Variants in ANKRD30A observed in about 807,000 individuals in gnomAD.
ANKRD30A encodes ankyrin repeat domain-containing protein 30A.
Under a neutral mutation model 166.3 loss-of-function variants are expected in ANKRD30A, and 170 were observed. The observed-to-expected ratio is 1.02, with a 90% confidence interval of 0.90 to 1.16. ANKRD30A has a LOEUF of 1.16. Ranked by LOEUF, ANKRD30A falls within the 50% of genes most tolerant of loss-of-function variation. The pLI, the probability that ANKRD30A is intolerant of heterozygous loss-of-function variation, is 0.00. For missense variants in ANKRD30A, 1,630 were observed against 1,518.0 expected, an observed-to-expected ratio of 1.07 and a Z score of -1.23; for synonymous variants, 564 against 508.9, an observed-to-expected ratio of 1.11 and a Z score of -1.46.
Position 37,125,736 on chromosome 10 carries a change from C to T in ANKRD30A, c.-52C>T. The T allele has an allele frequency of 1.8e-6, 1 of 557,994 alleles. No individual in the cohort carries two copies. Among genetic ancestry groups the T allele is most frequent in the Non-Finnish European group, 3.2e-6 (1 of 309,256 alleles). 34.6% of individuals were successfully genotyped at this position (557,994 alleles called of 1,614,324 possible). On this transcript the variant is annotated 5_prime_UTR_variant, in exon 1 of 36. Coordinates refer to ENST00000361713, the MANE Select transcript of ANKRD30A (RefSeq NM_052997.3). ...ATTGGGGAGGGGTGGGGGGTGGTGG[C>T]TGGGAAGGGCGATCGGGAGGCGCGG...
the ANKRD30A span, among the ~76,000 whole-genome samples, chr10:37,237,698 G>A: frequency 3.3e-5 from 5 of 152,166 alleles, no homozygotes; most frequent in Non-Finnish European, 5.9e-5. Context: ...AATTAGGTTA[G>A]CAGTTTATTA....
At position 37,162,648 on chromosome 10, in the gene ANKRD30A, G is replaced by T. The variant is rs1839015523; in HGVS notation, c.1901-1G>T. 3 of 1,611,974 alleles carry T rather than the reference G, an allele frequency of 1.9e-6. No homozygotes were observed. The highest frequency in any genetic ancestry group is 2.1e-4 in the Middle Eastern group (1 of 4,754). On this transcript the variant is annotated splice_acceptor_variant, in intron 15 of 35. Coordinates refer to ENST00000361713, the MANE Select transcript of ANKRD30A (RefSeq NM_052997.3). LOFTEE classifies it high-confidence loss of function. ...GATGATAAATCTCTTTTGCTTTTTA[G>T]AGCCTCCGGGGAAGCCATCTGCCTT...
At chr10:37,189,905 G>A (rs897242390) in intron 25 of ANKRD30A, among the ~76,000 whole-genome samples, 1 of 151,844 alleles carries the variant, frequency 6.6e-6, no homozygotes, top group African/African-American at 2.4e-5. Context: ...TGTAATGGAG[G>A]ATGATAAAAT....
chr10:37,250,938 A>C, the ANKRD30A span, among the ~76,000 whole-genome samples: 4 of 152,210 alleles, frequency 2.6e-5, no homozygotes, highest in Admixed American at 2.6e-4. Context: ...ACACACCTCT[A>C]CACATTTCTA....
intron 31 of ANKRD30A, among the ~76,000 whole-genome samples, chr10:37,208,085 C>T (rs1027347140): frequency 6.6e-6 from 1 of 152,022 alleles, no homozygotes; most frequent in Admixed American, 6.6e-5. Context: ...AAAATTCATA[C>T]GAGCTCTTTA....
Position 37,149,806 on chromosome 10 carries a change from A to G in ANKRD30A, c.1602A>G (p.Pro534=), listed in dbSNP as rs1211444859. Residue 534 remains proline (P), a synonymous_variant, in exon 11 of 36, where the codon CCA becomes CCG. Coordinates refer to ENST00000361713, the MANE Select transcript of ANKRD30A (RefSeq NM_052997.3). Reference sequence around the variant, plus strand: ...CCATTGAAATGCAAAACTCTGTTCCAAATAAAGCCTTTGAATTGAAGAATG... The same window carrying G: ...CCATTGAAATGCAAAACTCTGTTCCGAATAAAGCCTTTGAATTGAAGAATG... ...KPAIEMQNSV[P]NKAFELKNEQ... 3 of 1,612,942 alleles carry G rather than the reference A, an allele frequency of 1.9e-6. No homozygotes were observed. The East Asian group carries it at 6.7e-5, about 36-fold the overall frequency.
At chr10:37,128,526 A>C (rs1314040044) in intron 1 of ANKRD30A, among the ~76,000 whole-genome samples, 1 of 152,006 alleles carries the variant, frequency 6.6e-6, no homozygotes, top group East Asian at 1.9e-4. Context: ...ATAACTACAG[A>C]TTAATCATTT....
At chr10:37,200,566 T>A (rs1388200560) in intron 30 of ANKRD30A, among the ~76,000 whole-genome samples, 4 of 152,118 alleles carry the variant, frequency 2.6e-5, no homozygotes, top group African/African-American at 7.2e-5. Flanking sequence ...AGATTTTATC[T>A]GATTTGTAAT....
chr10:37,260,120 C>T, the ANKRD30A span, among the ~76,000 whole-genome samples: 1 of 130,594 alleles, frequency 7.7e-6, no homozygotes, highest in Non-Finnish European at 1.6e-5. Context: ...TTGAAATTTT[C>T]CATTATAAAA....
chr10:37,202,930 T>C (rs1679162717), intron 31 of ANKRD30A, among the ~76,000 whole-genome samples: 1 of 152,098 alleles, frequency 6.6e-6, no homozygotes, highest in Admixed American at 6.5e-5. Context: ...CTCCCAAGAC[T>C]AAACCAGGAA....
the ANKRD30A span, among the ~76,000 whole-genome samples, chr10:37,247,597 C>A: frequency 1.3e-5 from 2 of 151,510 alleles, no homozygotes; most frequent in Non-Finnish European, 1.5e-5. Context: ...CTAGGCCGGG[C>A]ACAGTGGCTC....
chr10:37,194,149 T>A (rs905257917), intron 27 of ANKRD30A, among the ~76,000 whole-genome samples: 9 of 151,978 alleles, frequency 5.9e-5, no homozygotes, highest in African/African-American at 1.9e-4. Flanking sequence ...GAGCCGAGCT[T>A]GTGCCACTTT....
At chr10:37,226,862 G>A (rs77959753) in intron 34 of ANKRD30A, among the ~76,000 whole-genome samples, 2,154 of 151,888 alleles carry the variant, frequency 0.014, 38 homozygotes, top group African/African-American at 0.049. Flanking sequence ...CATCCTAGTG[G>A]TGGGAAGTGG....
Position 37,166,714 on chromosome 10 carries a change from T to G in ANKRD30A, c.2155+19T>G, listed in dbSNP as rs747575595. 30 of 1,605,888 alleles carry G rather than the reference T, an allele frequency of 1.9e-5. No homozygotes were observed. The highest frequency in any genetic ancestry group is 2.7e-5 in the African/African-American group (2 of 74,328). ...TTAGAAGGTAAGAACCGTTTTTTAT[T>G]TAAAAATCATTTGACCAAATATTTC... On this transcript the variant is annotated intron_variant, in intron 19 of 35. Coordinates refer to ENST00000361713, the MANE Select transcript of ANKRD30A (RefSeq NM_052997.3).
At chr10:37,134,343 G>T (rs1836549802) in intron 5 of ANKRD30A, among the ~76,000 whole-genome samples, 1 of 151,978 alleles carries the variant, frequency 6.6e-6, no homozygotes, top group Non-Finnish European at 1.5e-5. Context: ...CTAAATACTT[G>T]AATTTTTTAA....
Position 37,171,418 on chromosome 10 carries a change from C to T in ANKRD30A, c.2257+1694C>T, listed in dbSNP as rs867690397. On this transcript the variant is annotated intron_variant, in intron 21 of 35. Coordinates refer to ENST00000361713, the MANE Select transcript of ANKRD30A (RefSeq NM_052997.3). ...ATTGGAAAAGTCCTACTTTCCAATA[C>T]GCATTACAACTGTTACTCATTAACC... Among the ~76,000 whole-genome samples, 212 of 147,812 alleles carry T rather than the reference C, an allele frequency of 1.4e-3. 5 individuals are homozygous for T. The highest frequency in any genetic ancestry group is 3.6e-3 in the African/African-American group (145 of 39,984).
chr10:37,259,164 G>A, the ANKRD30A span, among the ~76,000 whole-genome samples: 57 of 151,962 alleles, frequency 3.8e-4, no homozygotes, highest in African/African-American at 1.4e-3. Flanking sequence ...AGTTAAAGTG[G>A]GAGAAGATAT....
At chr10:37,158,227 G>A (rs918231067) in intron 13 of ANKRD30A, among the ~76,000 whole-genome samples, 165 bp from the exon 14 acceptor site, 29 of 152,020 alleles carry the variant, frequency 1.9e-4, no homozygotes, top group African/African-American at 5.6e-4. Flanking sequence ...TTTCTGTCAC[G>A]TTGGCATGAT....
intron 31 of ANKRD30A, among the ~76,000 whole-genome samples, chr10:37,214,414 A>G (rs1842498436): frequency 6.6e-6 from 1 of 151,290 alleles, no homozygotes; most frequent in African/African-American, 2.4e-5. Flanking sequence ...AATTATTGAT[A>G]TGATAAAAGT....
Sources: gnomAD v4.1 joint callset for allele counts (sites outside exome capture counted in the v4.1 genomes callset) on GRCh38, gnomAD v4.1.1 for gene constraint, MANE v1.5 for transcripts, NCBI Gene and HGNC (gene_info 2026-07-23, HGNC 2026-07-21) for gene names.